The following ASB3 variants were observed in gnomAD, a reference collection of about 807,000 sequenced individuals.
ASB3 encodes the protein ankyrin repeat and SOCS box containing 3, also known as ankyrin repeat and SOCS box protein 3.
In ASB3, 41 loss-of-function variants were observed where a neutral mutation model predicts 54.5. That is an observed-to-expected ratio of 0.75 (90% CI 0.59 to 0.98). The LOEUF is 0.98. Ranked by LOEUF, ASB3 falls within the 50% of genes least tolerant of loss-of-function variation. The probability of loss-of-function intolerance (pLI) is 0.00; values close to 1 mark genes in which losing one functional copy is unlikely to be tolerated. For missense variants in ASB3, 733 were observed against 620.0 expected (o/e 1.18, Z -1.94); for synonymous variants, 266 against 221.2 (o/e 1.20, Z -1.80).
chr2:53,710,566 G>A (rs1006286241), intron 7 of ASB3, among the ~76,000 whole-genome samples: 14 of 152,158 alleles, frequency 9.2e-5, no homozygotes, highest in African/African-American at 2.9e-4. Flanking sequence ...GTTGTCTCCT[G>A]GACATTGTGA....
chr2:53,727,215 G>C lies in ASB3; in HGVS notation c.604+1497C>G, dbSNP rs117837560. 9.3e-4 allele frequency among the ~76,000 whole-genome samples: 142 copies of C among 152,310 alleles called. No individual in the cohort carries two copies. In the East Asian group the frequency reaches 0.024, roughly 26 times the overall value. ...TTTTGGGGATTCCTCTTAACTGTAA[G>C]ATTTACAGACTCATTATTTATAACA... On this transcript the variant is annotated intron_variant, in intron 5 of 9. Coordinates refer to ENST00000263634, the MANE Select transcript of ASB3 (RefSeq NM_016115.5).
At chr2:53,675,471 T>C (rs902080591) in intron 9 of ASB3, among the ~76,000 whole-genome samples, 4 of 152,226 alleles carry the variant, frequency 2.6e-5, no homozygotes, top group African/African-American at 9.6e-5. Flanking sequence ...AATGTAATTC[T>C]TAGTGATCTA....
At chr2:53,706,730 C>G (rs935577857) in intron 7 of ASB3, among the ~76,000 whole-genome samples, 3 of 152,198 alleles carry the variant, frequency 2.0e-5, no homozygotes, top group Non-Finnish European at 4.4e-5. Context: ...TAGGCATGAG[C>G]CACTGCACCC....
At chr2:53,705,186 T>G (rs1669703579) in intron 7 of ASB3, among the ~76,000 whole-genome samples, 2 of 152,186 alleles carry the variant, frequency 1.3e-5, no homozygotes, top group Admixed American at 6.5e-5. Context: ...TTTTGAGGTT[T>G]TGACTTTATT....
At chr2:53,702,300 C>T (rs1431303643) in intron 7 of ASB3, among the ~76,000 whole-genome samples, 1 of 152,030 alleles carries the variant, frequency 6.6e-6, no homozygotes, top group Non-Finnish European at 1.5e-5. Flanking sequence ...GTCAGCATGC[C>T]CTGAGCTTCT....
chr2:53,670,816 C>G, intron 9 of ASB3, 126 bp from the exon 10 acceptor site: 2 of 1,121,708 alleles, frequency 1.8e-6, no homozygotes, highest in Non-Finnish European at 1.2e-6. Context: ...AAGAAGACTA[C>G]TTTGAGTCAG....
chr2:53,693,920 G>A lies in ASB3; in HGVS notation c.1333C>T (p.Arg445Cys), dbSNP rs202150949. ...TGTAGAATCCAAGCGTTTGAGGCAC[G>A]AGCAGAGAGCATCCTTTCAACAGCT... ...APAVERMLSA[R>C]ASNAWILQQH... The change falls in exon 9 of 10, where the codon CGT becomes TGT. Residue 445 changes from arginine to cysteine, a missense_variant. Coordinates refer to ENST00000263634, the MANE Select transcript of ASB3 (RefSeq NM_016115.5). 2.5e-6 allele frequency: 4 copies of A among 1,613,580 alleles called. No homozygotes were observed. Among genetic ancestry groups the A allele is most frequent in the Non-Finnish European group, 2.5e-6 (3 of 1,179,608 alleles).
intron 7 of ASB3, among the ~76,000 whole-genome samples, chr2:53,704,589 T>A (rs572751935): frequency 1.3e-5 from 2 of 152,290 alleles, no homozygotes; most frequent in South Asian, 4.1e-4. Context: ...TATGACCCTC[T>A]TGACATACCA....
chr2:53,724,686 C>T (rs778178356), intron 5 of ASB3, among the ~76,000 whole-genome samples: 96 of 151,834 alleles, frequency 6.3e-4, no homozygotes, highest in Admixed American at 8.5e-4. Context: ...TGAAGAATTG[C>T]TCAACATCAC....
intron 1 of ASB3, chr2:53,786,238 A>C (rs1203667983): frequency 1.3e-5 from 2 of 152,202 alleles, no homozygotes; most frequent in Non-Finnish European, 2.9e-5. Flanking sequence ...CTTAGTTCAT[A>C]AACACACACA....
intron 3 of ASB3, among the ~76,000 whole-genome samples, chr2:53,746,469 T>C (rs1046574290): frequency 6.7e-6 from 1 of 149,990 alleles, no homozygotes; most frequent in Admixed American, 6.7e-5. Flanking sequence ...ACACACTGTT[T>C]TTTGGGGGGT....
chr2:53,783,500 T>C (rs866069401), intron 1 of ASB3, among the ~76,000 whole-genome samples: 21 of 151,504 alleles, frequency 1.4e-4, no homozygotes, highest in South Asian at 4.2e-4. Flanking sequence ...AAAAATAGGA[T>C]TCATAGAGTG....
intron 3 of ASB3, among the ~76,000 whole-genome samples, chr2:53,734,978 G>C (rs1671538824): frequency 6.9e-6 from 1 of 145,960 alleles, no homozygotes; most frequent in African/African-American, 2.5e-5. Flanking sequence ...GGAGTGCAGT[G>C]GTGCGATCTT....
intron 7 of ASB3, among the ~76,000 whole-genome samples, chr2:53,701,857 G>GTA (rs1669512175): frequency 6.6e-6 from 1 of 152,032 alleles, no homozygotes; most frequent in Non-Finnish European, 1.5e-5. Context: ...AAGAACAATG[G>GTA]TATATATACT....
intron 1 of ASB3, chr2:53,768,140 G>A: frequency 8.6e-7 from 1 of 1,163,950 alleles, no homozygotes; most frequent in Non-Finnish European, 1.2e-6. Flanking sequence ...CAAAGCACAT[G>A]GCTTGGGGTA....
chr2:53,777,836 A>C (rs1670536430), intron 1 of ASB3, among the ~76,000 whole-genome samples: 1 of 152,174 alleles, frequency 6.6e-6, no homozygotes, highest in Non-Finnish European at 1.5e-5. Context: ...AAAACAATAT[A>C]ACATTTTTTA....
chr2:53,720,707 G>A lies in ASB3; in HGVS notation c.605-3964C>T, dbSNP rs75173383. ...GAAAATTAAAAAACAAATTCTGGGT[G>A]TAAATTCAACATTTGACCAATTGGA... On this transcript the variant is annotated intron_variant, in intron 5 of 9. Coordinates refer to ENST00000263634, the MANE Select transcript of ASB3 (RefSeq NM_016115.5). Among the ~76,000 whole-genome samples the A allele has an allele frequency of 1.2e-3, 185 of 152,208 alleles. 1 individual carries two copies. Among genetic ancestry groups the A allele is most frequent in the African/African-American group, 4.3e-3 (180 of 41,540 alleles).
intron 3 of ASB3, among the ~76,000 whole-genome samples, chr2:53,736,340 A>G (rs1298412250): frequency 6.6e-6 from 1 of 152,202 alleles, no homozygotes; most frequent in African/African-American, 2.4e-5. Flanking sequence ...CAGAGTAAGT[A>G]TCCGGCAGGG....
chr2:53,743,612 C>T (rs1326140267), intron 3 of ASB3, among the ~76,000 whole-genome samples: 3 of 152,132 alleles, frequency 2.0e-5, no homozygotes, highest in African/African-American at 7.2e-5. Context: ...TACTGATTTC[C>T]TCATCTTTAA....
Sources: allele counts gnomAD v4.1 joint callset (sites outside exome capture counted in the v4.1 genomes callset), GRCh38; gene constraint gnomAD v4.1.1; transcripts MANE v1.5; gene names NCBI Gene and HGNC (gene_info 2026-07-23, HGNC 2026-07-21).